SHTN1: variants seen among roughly 807,000 people sequenced by gnomAD.
SHTN1 encodes shootin 1, also known as shootin-1.
A neutral mutation model predicts 83.1 loss-of-function variants in SHTN1; 42 were observed. The ratio of observed to expected loss-of-function variants is 0.51; its 90% CI spans 0.39 to 0.65. The LOEUF (loss-of-function observed/expected upper bound fraction) is 0.65. SHTN1 is among the 30% of genes least tolerant of loss of function. The pLI is 0.00. For synonymous variants in SHTN1, 224 were observed against 247.7 expected (o/e 0.90, Z 0.90); for missense variants, 622 against 737.8 (o/e 0.84, Z 1.82).
intron 1 of SHTN1, among the ~76,000 whole-genome samples, chr10:117,098,970 T>G (rs1457694397): frequency 3.2e-5 from 4 of 123,292 alleles, no homozygotes; most frequent in African/African-American, 1.2e-4. Flanking sequence ...ATAGCATAAA[T>G]CAAAAGTATA....
intron 1 of SHTN1, among the ~76,000 whole-genome samples, chr10:117,097,349 T>C (rs964087490): frequency 2.0e-5 from 3 of 152,246 alleles, no homozygotes; most frequent in African/African-American, 4.8e-5. Context: ...ATTTTATAAC[T>C]CACAGTTTCT....
rs542666882 is a variant in SHTN1, at chr10:117,029,565, T to C, written c.-123+18880A>G. ...GAGGTGGGGCCTGGTGGGAGGTGAT[T>C]GAATCATGGGGGCAGTTTCTCATGA... On this transcript the variant is annotated intron_variant, in intron 2 of 17. Coordinates refer to the SHTN1 transcript ENST00000392901. Among the ~76,000 whole-genome samples, 5 of 152,272 alleles carry C rather than the reference T, an allele frequency of 3.3e-5. No individual in the cohort carries two copies. In the South Asian group the frequency reaches 1.0e-3, roughly 32 times the overall value.
chr10:117,003,565 A>G (rs1338061685), intron 1 of SHTN1, among the ~76,000 whole-genome samples: 1 of 152,050 alleles, frequency 6.6e-6, no homozygotes, highest in African/African-American at 2.4e-5. Context: ...AGCACTTCCC[A>G]ACGGTGTCTG....
At chr10:117,098,307 G>T (rs1398951389) in intron 1 of SHTN1, among the ~76,000 whole-genome samples, 1 of 147,134 alleles carries the variant, frequency 6.8e-6, no homozygotes, top group Non-Finnish European at 1.5e-5. Context: ...TGAGGCAGGA[G>T]AATGGCGTGA....
chr10:117,019,085 TA>T (rs1300048205), intron 2 of SHTN1, among the ~76,000 whole-genome samples: 2 of 152,166 alleles, frequency 1.3e-5, no homozygotes, highest in African/African-American at 4.8e-5. Context: ...CAGATCATTA[TA>T]AAAAATTACT....
At chr10:117,093,388 T>TG (rs766530966) in intron 1 of SHTN1, among the ~76,000 whole-genome samples, 16 of 151,032 alleles carry the variant, frequency 1.1e-4, no homozygotes, top group Non-Finnish European at 1.9e-4. Context: ...TAACTTGAAA[T>TG]GAAAAAAAAA....
intron 1 of SHTN1, among the ~76,000 whole-genome samples, chr10:117,124,687 T>C (rs376457596): frequency 6.6e-5 from 10 of 151,926 alleles, no homozygotes; most frequent in African/African-American, 2.2e-4. Flanking sequence ...GCAGGGAGAA[T>C]TGCTTGAACC....
chr10:116,973,093 T>A (rs1444944945), intron 2 of SHTN1, among the ~76,000 whole-genome samples: 1 of 152,182 alleles, frequency 6.6e-6, no homozygotes, highest in Admixed American at 6.5e-5. Context: ...GCAGCTCAGT[T>A]ATTCATCCCT....
At chr10:117,030,681 C>G (rs1351069542) in intron 2 of SHTN1, among the ~76,000 whole-genome samples, 3 of 151,744 alleles carry the variant, frequency 2.0e-5, no homozygotes, top group African/African-American at 7.3e-5. Context: ...AAGAATCAAG[C>G]AGAAATCCTA....
intron 2 of SHTN1, among the ~76,000 whole-genome samples, chr10:117,038,547 G>A (rs978399101): frequency 6.6e-6 from 1 of 151,954 alleles, no homozygotes; most frequent in South Asian, 2.1e-4. Flanking sequence ...TCTGTCAAGA[G>A]AATGAAAACA....
intron 1 of SHTN1, among the ~76,000 whole-genome samples, chr10:117,097,145 C>G (rs1424009595): frequency 6.6e-6 from 1 of 152,106 alleles, no homozygotes; most frequent in African/African-American, 2.4e-5. Flanking sequence ...ATCTTATAAA[C>G]TGGTTTGGTT....
At chr10:116,973,721 A>G (rs989973604) in intron 2 of SHTN1, 4 of 385,338 alleles carry the variant, frequency 1.0e-5, no homozygotes, top group Non-Finnish European at 2.0e-5. Context: ...AACGTACAGC[A>G]GAGCCTACAA....
intron 16 of SHTN1, among the ~76,000 whole-genome samples, chr10:116,891,510 A>G (rs866987684): frequency 6.6e-6 from 1 of 152,184 alleles, no homozygotes; most frequent in African/African-American, 2.4e-5. Flanking sequence ...CAAGGACAGA[A>G]AACAGAAAGA....
At chr10:116,946,846 T>G (rs931385052) in intron 7 of SHTN1, among the ~76,000 whole-genome samples, 4 of 151,492 alleles carry the variant, frequency 2.6e-5, no homozygotes, top group Non-Finnish European at 5.9e-5. Flanking sequence ...GCCTCCTGAG[T>G]AGCTGGGATT....
chr10:117,034,222 C>T (rs1390570842), intron 2 of SHTN1, among the ~76,000 whole-genome samples: 3 of 152,158 alleles, frequency 2.0e-5, no homozygotes, highest in Non-Finnish European at 4.4e-5. Context: ...GGCATCCAAA[C>T]TGGAAAGGAA....
At chr10:116,972,306 G>A (rs1321231247) in intron 2 of SHTN1, among the ~76,000 whole-genome samples, 1 of 152,136 alleles carries the variant, frequency 6.6e-6, no homozygotes, top group Non-Finnish European at 1.5e-5. Flanking sequence ...CATTATGCTA[G>A]AACTGGCAGC....
chr10:117,001,476 A>G (rs970172790), intron 1 of SHTN1, among the ~76,000 whole-genome samples: 1 of 152,148 alleles, frequency 6.6e-6, no homozygotes, highest in African/African-American at 2.4e-5. Flanking sequence ...CCACACCACT[A>G]AAGGCTTCAC....
intron 14 of SHTN1, among the ~76,000 whole-genome samples, chr10:116,907,454 C>T (rs1383126096): frequency 6.6e-6 from 1 of 152,142 alleles, no homozygotes; most frequent in African/African-American, 2.4e-5. Flanking sequence ...AATCTGTACT[C>T]CTGCTGAAAC....
At chr10:117,087,634 G>A (rs565361031) in intron 1 of SHTN1, among the ~76,000 whole-genome samples, 3 of 152,130 alleles carry the variant, frequency 2.0e-5, no homozygotes, top group South Asian at 2.1e-4. Context: ...AAATATTTAC[G>A]TGACATACAG....
Sources: allele counts gnomAD v4.1 joint callset (sites outside exome capture counted in the v4.1 genomes callset), GRCh38; gene constraint gnomAD v4.1.1; transcripts MANE v1.5; gene names NCBI Gene and HGNC (gene_info 2026-07-23, HGNC 2026-07-21).